The following IQCM variants were observed in gnomAD, a reference collection of about 807,000 sequenced individuals.
IQCM encodes IQ domain-containing protein M.
IQCM carries 45 observed loss-of-function variants against 57.6 expected under a neutral mutation model. The ratio of observed to expected loss-of-function variants is 0.78; its 90% confidence interval spans 0.62 to 1.00. IQCM has a LOEUF of 1.00. IQCM is among the 50% of genes least tolerant of loss of function. IQCM has a pLI of 0.00. For missense variants in IQCM, 468 were observed against 511.6 expected (o/e 0.91, Z 0.82); for synonymous variants, 148 against 158.9 (o/e 0.93, Z 0.51).
intron 7 of IQCM, among the ~76,000 whole-genome samples, chr4:149,659,590 G>A (rs988771723): frequency 6.6e-6 from 1 of 151,980 alleles, no homozygotes; most frequent in African/African-American, 2.4e-5. Flanking sequence ...ATACTACAAG[G>A]CTACAGTAAC....
chr4:149,508,220 CCAAA>C (rs1744030899), intron 12 of IQCM, among the ~76,000 whole-genome samples: 1 of 151,972 alleles, frequency 6.6e-6, no homozygotes, highest in Non-Finnish European at 1.5e-5. Flanking sequence ...GTCAGAGCCC[CCAAA>C]CAAAGTCCCT....
At chr4:149,799,770 T>C (rs1561287767) in intron 2 of IQCM, among the ~76,000 whole-genome samples, 3 of 151,172 alleles carry the variant, frequency 2.0e-5, no homozygotes, top group Non-Finnish European at 4.4e-5. Context: ...CTACTAAGAA[T>C]GAATCAAGAG....
intron 12 of IQCM, among the ~76,000 whole-genome samples, chr4:149,460,513 A>G (rs891898876): frequency 1.3e-5 from 2 of 152,176 alleles, no homozygotes; most frequent in African/African-American, 4.8e-5. Context: ...GAAATGTTTA[A>G]ATTACCTTGA....
chr4:149,388,328 T>C (rs1731570073), intron 13 of IQCM, among the ~76,000 whole-genome samples: 1 of 151,492 alleles, frequency 6.6e-6, no homozygotes, highest in African/African-American at 2.4e-5. Flanking sequence ...AATTTCTCCA[T>C]ATATTCATCA....
At chr4:149,412,543 T>A (rs1733463222) in intron 13 of IQCM, among the ~76,000 whole-genome samples, 1 of 152,142 alleles carries the variant, frequency 6.6e-6, no homozygotes, top group African/African-American at 2.4e-5. Context: ...TACTCACTCA[T>A]TCAAAACTAT....
intron 7 of IQCM, among the ~76,000 whole-genome samples, chr4:149,668,843 G>T (rs1760978055): frequency 6.6e-6 from 1 of 152,046 alleles, no homozygotes; most frequent in Non-Finnish European, 1.5e-5. Context: ...TTTAAAAGAA[G>T]AAGAAAATAA....
rs188444123 is a variant in IQCM, at chr4:149,423,962, C to G, written c.1390+9434G>C. On this transcript the variant is annotated intron_variant, in intron 13 of 13. Transcript: ENST00000636793. Reference sequence around the variant, plus strand: ...GGCAATCTTTGAATGAACCCAGAGACAGCAAATAATTTCAATATATAAATA... The same window carrying G: ...GGCAATCTTTGAATGAACCCAGAGAGAGCAAATAATTTCAATATATAAATA... Among the ~76,000 whole-genome samples, 418 of 151,954 alleles carry G rather than the reference C, an allele frequency of 2.8e-3. 5 individuals are homozygous for G. The highest frequency in any genetic ancestry group is 0.015 in the South Asian group (74 of 4,820).
intron 8 of IQCM, among the ~76,000 whole-genome samples, chr4:149,613,317 T>G (rs1424314272): frequency 1.3e-5 from 2 of 152,088 alleles, no homozygotes; most frequent in African/African-American, 2.4e-5. Context: ...TGTGATAAAA[T>G]TTTTCAAGTG....
intron 7 of IQCM, among the ~76,000 whole-genome samples, chr4:149,653,269 C>T (rs571968696): frequency 6.6e-6 from 1 of 152,178 alleles, no homozygotes; most frequent in South Asian, 2.1e-4. Context: ...GGCTCCAAAC[C>T]TCCATTGCAC....
At chr4:149,794,224 A>T (rs1279051946) in intron 2 of IQCM, among the ~76,000 whole-genome samples, 2 of 152,094 alleles carry the variant, frequency 1.3e-5, no homozygotes, top group Non-Finnish European at 1.5e-5. Context: ...TAAAGTACTG[A>T]CTACTGAACA....
intron 13 of IQCM, among the ~76,000 whole-genome samples, chr4:149,416,023 C>T (rs962663712): frequency 6.6e-6 from 1 of 152,004 alleles, no homozygotes; most frequent in East Asian, 1.9e-4. Flanking sequence ...GCACATTGTG[C>T]GCATGTACCC....
At chr4:149,470,233 C>T (rs557051366) in intron 12 of IQCM, among the ~76,000 whole-genome samples, 155 of 151,916 alleles carry the variant, frequency 1.0e-3, no homozygotes, top group Non-Finnish European at 1.5e-3. Flanking sequence ...AAACCCATCT[C>T]ACATGCAGAG....
intron 13 of IQCM, among the ~76,000 whole-genome samples, chr4:149,393,000 T>C (rs1382399722): frequency 6.6e-6 from 1 of 151,842 alleles, no homozygotes. Flanking sequence ...TGAGGCCCTG[T>C]TTCCAAAAAA....
intron 5 of IQCM, among the ~76,000 whole-genome samples, chr4:149,689,213 G>T (rs1187725309): frequency 6.6e-6 from 1 of 152,064 alleles, no homozygotes; most frequent in Non-Finnish European, 1.5e-5. Flanking sequence ...TATACACCAT[G>T]GAATACTATG....
intron 3 of IQCM, 33 bp from the exon 4 acceptor site, chr4:149,735,491 A>G (rs1766851065): frequency 1.0e-6 from 1 of 974,782 alleles, no homozygotes; most frequent in African/African-American, 1.7e-5. Flanking sequence ...TTTTTTAAGC[A>G]GTTAATGTGA....
At chr4:149,410,937 G>A (rs1046629960) in intron 13 of IQCM, among the ~76,000 whole-genome samples, 4 of 152,064 alleles carry the variant, frequency 2.6e-5, no homozygotes, top group South Asian at 2.1e-4. Flanking sequence ...GTGAACAAAT[G>A]AGCAAAACTC....
chr4:149,642,888 A>G (rs909607240), intron 7 of IQCM, among the ~76,000 whole-genome samples: 1 of 152,152 alleles, frequency 6.6e-6, no homozygotes, highest in African/African-American at 2.4e-5. Flanking sequence ...AAAAAATTGT[A>G]ATAACTGGTG....
At chr4:149,452,533 A>G (rs189197069) in intron 12 of IQCM, among the ~76,000 whole-genome samples, 1 of 151,730 alleles carries the variant, frequency 6.6e-6, no homozygotes, top group Non-Finnish European at 1.5e-5. Flanking sequence ...AGACCCAGAT[A>G]TATATGGTTA....
intron 7 of IQCM, among the ~76,000 whole-genome samples, chr4:149,644,840 A>G (rs937026988): frequency 6.6e-6 from 1 of 152,238 alleles, no homozygotes; most frequent in Non-Finnish European, 1.5e-5. Flanking sequence ...AATAGTACGC[A>G]GAGAGAAATA....
Sources: gnomAD v4.1 joint callset for allele counts (sites outside exome capture counted in the v4.1 genomes callset) on GRCh38, gnomAD v4.1.1 for gene constraint, MANE v1.5 for transcripts, NCBI Gene and HGNC (gene_info 2026-07-23, HGNC 2026-07-21) for gene names.